The following VMP1 variants were observed in gnomAD, a reference collection of about 807,000 sequenced individuals.
VMP1 encodes the protein ectopic P-granules autophagy protein 3 homolog.
Under a neutral mutation model 56.0 loss-of-function variants are expected in VMP1, and 11 were observed. The ratio of observed to expected loss-of-function variants is 0.20; its 90% CI spans 0.12 to 0.32. VMP1 has a LOEUF of 0.32. Ranked by LOEUF, VMP1 falls within the 10% of genes least tolerant of loss-of-function variation. The pLI, the probability that VMP1 is intolerant of heterozygous loss-of-function variation, is 1.00. For missense variants in VMP1, 296 were observed against 490.3 expected (o/e 0.60, Z 3.74); for synonymous variants, 149 against 165.0 (o/e 0.90, Z 0.74).
chr17:59,783,508 A>G (rs1203899890), intron 7 of VMP1, among the ~76,000 whole-genome samples: 1 of 152,344 alleles, frequency 6.6e-6, no homozygotes, highest in Non-Finnish European at 1.5e-5. Context: ...AGCATCATTA[A>G]TAAAAGTTAG....
intron 7 of VMP1, among the ~76,000 whole-genome samples, chr17:59,787,488 T>A (rs1252982387): frequency 6.6e-6 from 1 of 152,146 alleles, no homozygotes; most frequent in Non-Finnish European, 1.5e-5. Context: ...CGCATTTCTG[T>A]ATTTAGCCTT....
At chr17:59,778,533 T>C (rs2036707816) in intron 7 of VMP1, among the ~76,000 whole-genome samples, 1 of 132,138 alleles carries the variant, frequency 7.6e-6, no homozygotes. Context: ...AGAGCGAGAC[T>C]CTGTCTCAAA....
intron 7 of VMP1, among the ~76,000 whole-genome samples, chr17:59,795,305 T>TG (rs958522713): frequency 1.2e-4 from 18 of 151,278 alleles, no homozygotes; most frequent in African/African-American, 4.4e-4. Context: ...AGATGGGGTA[T>TG]GGGGTTTCAC....
chr17:59,778,540 C>CAA (rs58638800), intron 7 of VMP1, among the ~76,000 whole-genome samples: 5 of 119,628 alleles, frequency 4.2e-5, no homozygotes, highest in Non-Finnish European at 7.5e-5. Flanking sequence ...GACTCTGTCT[C>CAA]AAAAAAAAAA....
intron 10 of VMP1, among the ~76,000 whole-genome samples, chr17:59,822,034 G>A (rs1164159365): frequency 6.6e-6 from 1 of 151,922 alleles, no homozygotes; most frequent in South Asian, 2.1e-4. Context: ...GTAGAGATGG[G>A]CTTCCACCAT....
At position 59,751,387 on chromosome 17, in the gene VMP1, C is replaced by T. The variant is rs146300403; in HGVS notation, c.414+12440C>T. On this transcript the variant is annotated intron_variant, in intron 5 of 11. Coordinates refer to ENST00000262291, the MANE Select transcript of VMP1 (RefSeq NM_030938.5). ...TGTTTGCATAAAGAGAACATAGCTG[C>T]TGTTGACCTCTTTGGTTCATCTCTA... Among the ~76,000 whole-genome samples the T allele has an allele frequency of 5.6e-4, 85 of 152,196 alleles. 2 individuals are homozygous for T. The East Asian group carries it at 0.014, about 25-fold the overall frequency.
At chr17:59,738,812 T>G in intron 4 of VMP1, 25 bp from the exon 5 acceptor site, 10 of 1,510,324 alleles carry the variant, frequency 6.6e-6, no homozygotes, top group African/African-American at 1.4e-5. Flanking sequence ...GAATTCACGG[T>G]TTTCACCTCA....
intron 5 of VMP1, among the ~76,000 whole-genome samples, chr17:59,756,900 G>C (rs912478936): frequency 6.6e-6 from 1 of 152,106 alleles, no homozygotes; most frequent in Non-Finnish European, 1.5e-5. Flanking sequence ...ATGAAACATA[G>C]ACATGAGTAT....
intron 9 of VMP1, among the ~76,000 whole-genome samples, chr17:59,813,399 G>T (rs1167848807): frequency 6.6e-6 from 1 of 152,018 alleles, no homozygotes; most frequent in African/African-American, 2.4e-5. Flanking sequence ...CCAACATGGA[G>T]AAACCCTGTC....
intron 2 of VMP1, 96 bp from the exon 3 acceptor site, chr17:59,735,242 A>G: frequency 6.8e-7 from 1 of 1,466,010 alleles, no homozygotes; most frequent in South Asian, 1.3e-5. Flanking sequence ...ATTAGTTGTT[A>G]TTTGGGAGAT....
At chr17:59,740,558 A>G (rs2035189428) in intron 5 of VMP1, among the ~76,000 whole-genome samples, 1 of 152,226 alleles carries the variant, frequency 6.6e-6, no homozygotes, top group African/African-American at 2.4e-5. Flanking sequence ...TTGGGAATTA[A>G]TCTATAATAT....
At chr17:59,803,672 G>A (rs1398699132) in intron 7 of VMP1, among the ~76,000 whole-genome samples, 1 of 151,986 alleles carries the variant, frequency 6.6e-6, no homozygotes, top group East Asian at 1.9e-4. Context: ...ATGGATTTTT[G>A]AAAAAGTGAA....
At chr17:59,804,105 T>G (rs1364399968) in intron 7 of VMP1, among the ~76,000 whole-genome samples, 1 of 151,934 alleles carries the variant, frequency 6.6e-6, no homozygotes, top group Non-Finnish European at 1.5e-5. Flanking sequence ...AAAATCACAA[T>G]AAGAGCCGCC....
chr17:59,709,212 C>A (rs2033809864), intron 1 of VMP1, among the ~76,000 whole-genome samples: 1 of 152,210 alleles, frequency 6.6e-6, no homozygotes, highest in East Asian at 1.9e-4. Context: ...ATTAGTTTAA[C>A]ATTCGGTAAA....
chr17:59,736,135 A>G (rs1348270044), intron 3 of VMP1, among the ~76,000 whole-genome samples: 3 of 152,204 alleles, frequency 2.0e-5, no homozygotes, highest in African/African-American at 7.2e-5. Flanking sequence ...ATTTTAGGCC[A>G]GGCGTGGTGG....
chr17:59,718,639 GA>G, intron 1 of VMP1, among the ~76,000 whole-genome samples: 1 of 152,092 alleles, frequency 6.6e-6, no homozygotes, highest in East Asian at 1.9e-4. Flanking sequence ...AAGTAGCTGG[GA>G]CTACATGCAC....
At chr17:59,725,617 CTT>C (rs752315028) in intron 1 of VMP1, among the ~76,000 whole-genome samples, 2 of 149,612 alleles carry the variant, frequency 1.3e-5, no homozygotes, top group Non-Finnish European at 3.0e-5. Context: ...CAGTGGCTCT[CTT>C]GTTTGGCCTT....
intron 10 of VMP1, among the ~76,000 whole-genome samples, chr17:59,818,566 T>C (rs1018686600): frequency 1.3e-5 from 2 of 151,414 alleles, no homozygotes; most frequent in Non-Finnish European, 2.9e-5. Flanking sequence ...AGGTTGGGAG[T>C]TCAAGACCAG....
At chr17:59,726,200 A>G (rs1236966815) in intron 1 of VMP1, among the ~76,000 whole-genome samples, 2 of 152,032 alleles carry the variant, frequency 1.3e-5, no homozygotes, top group African/African-American at 4.8e-5. Flanking sequence ...ATATATTTAG[A>G]TATTTACAAA....
Sources: allele counts gnomAD v4.1 joint callset (sites outside exome capture counted in the v4.1 genomes callset), GRCh38; gene constraint gnomAD v4.1.1; transcripts MANE v1.5; gene names NCBI Gene and HGNC (gene_info 2026-07-23, HGNC 2026-07-21).